The following PEX7 variants were observed in gnomAD, a reference collection of about 807,000 sequenced individuals.
PEX7 encodes PTS2 receptor.
Under a neutral mutation model 47.5 loss-of-function variants are expected in PEX7, and 34 were observed. That is an observed-to-expected ratio of 0.72 (90% CI 0.54 to 0.95). The LOEUF (loss-of-function observed/expected upper bound fraction) is 0.95. Among genes scored for constraint, PEX7 ranks in the 40% least tolerant of loss-of-function variants. The probability of loss-of-function intolerance (pLI) is 0.00; values close to 1 mark genes in which losing one functional copy is unlikely to be tolerated. For synonymous variants in PEX7, 141 were observed against 148.8 expected, an observed-to-expected ratio of 0.95 and a Z score of 0.38; for missense variants, 394 against 400.3, an observed-to-expected ratio of 0.98 and a Z score of 0.13.
intron 3 of PEX7, among the ~76,000 whole-genome samples, chr6:136,842,902 GAT>G (rs750229910): frequency 4.8e-4 from 73 of 152,288 alleles, no homozygotes; most frequent in Non-Finnish European, 8.2e-4. Context: ...GGCACGTCTT[GAT>G]GGATAAATGG....
chr6:136,868,837 A>T (rs1026847730), intron 6 of PEX7, among the ~76,000 whole-genome samples: 2 of 152,062 alleles, frequency 1.3e-5, no homozygotes, highest in Non-Finnish European at 2.9e-5. Context: ...CTCTGGGTTC[A>T]CTTGGGGCTC....
At chr6:136,829,886 G>A in intron 3 of PEX7, 2 of 640,404 alleles carry the variant, frequency 3.1e-6, no homozygotes, top group Non-Finnish European at 5.6e-6. Flanking sequence ...GCAGTGAGCT[G>A]AGTTCGTGCC....
At chr6:136,864,671 A>G (rs9494589) in intron 5 of PEX7, among the ~76,000 whole-genome samples, 3,049 of 152,336 alleles carry the variant, frequency 0.02, 106 homozygotes, top group African/African-American at 0.07. Flanking sequence ...ATAGGAAAAT[A>G]TATGTAGATA....
rs114680339 is a variant in PEX7, at chr6:136,841,774, G to T, written c.340-3841G>T. On this transcript the variant is annotated intron_variant, in intron 3 of 9. Coordinates refer to ENST00000318471, the MANE Select transcript of PEX7 (RefSeq NM_000288.4). ...AATTTTTAAAATTTTTTATAGAGAC[G>T]GGGGTCTCGCCATATTTTCCAGGCT... is the stretch of plus-strand genomic sequence containing the variant. Among the ~76,000 whole-genome samples, 4 of 151,888 alleles carry T rather than the reference G, an allele frequency of 2.6e-5. No individual in the cohort carries two copies. The South Asian group carries it at 6.2e-4, about 24-fold the overall frequency.
intron 8 of PEX7, 61 bp from the exon 9 acceptor site, chr6:136,898,081 T>C: frequency 1.0e-6 from 1 of 989,032 alleles, no homozygotes; most frequent in South Asian, 1.3e-5. Context: ...CTATTTTTTC[T>C]TAATATAAGT....
intron 3 of PEX7, among the ~76,000 whole-genome samples, chr6:136,843,522 G>A (rs1220538854): frequency 6.6e-6 from 1 of 152,130 alleles, no homozygotes; most frequent in African/African-American, 2.4e-5. Flanking sequence ...TAGTAGTTGT[G>A]ACAGTGACCA....
At chr6:136,873,322 T>G (rs1285468108) in intron 8 of PEX7, among the ~76,000 whole-genome samples, 1 of 152,220 alleles carries the variant, frequency 6.6e-6, no homozygotes, top group East Asian at 1.9e-4. Flanking sequence ...TTCAATGTTT[T>G]GTAAATAAAC....
intron 5 of PEX7, among the ~76,000 whole-genome samples, chr6:136,857,819 T>C (rs1372697443): frequency 1.3e-5 from 2 of 152,330 alleles, no homozygotes; most frequent in East Asian, 3.9e-4. Context: ...AAAAGCTCTG[T>C]GAGCATTACC....
intron 8 of PEX7, among the ~76,000 whole-genome samples, chr6:136,872,950 T>G (rs79047960): frequency 0.043 from 6,492 of 152,250 alleles, 156 homozygotes; most frequent in African/African-American, 0.076. Flanking sequence ...TTAGAGTTTT[T>G]TTTGTCTTTA....
chr6:136,822,599 C>T lies in PEX7; in HGVS notation c.-67C>T, dbSNP rs1774093370. On this transcript the variant is annotated 5_prime_UTR_variant, in exon 1 of 10. Coordinates refer to ENST00000318471, the MANE Select transcript of PEX7 (RefSeq NM_000288.4). The stretch of plus-strand genomic sequence containing the variant: ...GGTCTGCCTGGTCTCTCTAACCGCG[C>T]CAGTGTGCCTCCGACTCGGAACGGC... 3 of 1,417,680 alleles carry T rather than the reference C, an allele frequency of 2.1e-6. No homozygotes were observed. The highest frequency in any genetic ancestry group is 2.9e-5 in the African/African-American group (2 of 69,542). 87.8% of individuals were successfully genotyped at this position (1,417,680 alleles called of 1,614,324 possible).
intron 3 of PEX7, chr6:136,830,080 T>TAATA (rs1229412746): frequency 2.8e-6 from 2 of 711,200 alleles, no homozygotes; most frequent in South Asian, 3.0e-5. Flanking sequence ...AGAGAGTATA[T>TAATA]AATAAAGACG....
chr6:136,903,044 A>G (rs966659266), intron 9 of PEX7, among the ~76,000 whole-genome samples: 1 of 152,124 alleles, frequency 6.6e-6, no homozygotes, highest in Non-Finnish European at 1.5e-5. Flanking sequence ...CCATATTATT[A>G]TGTTTCTTTT....
At chr6:136,904,038 G>C (rs1775799103) in intron 9 of PEX7, among the ~76,000 whole-genome samples, 2 of 152,008 alleles carry the variant, frequency 1.3e-5, no homozygotes, top group South Asian at 4.1e-4. Flanking sequence ...TTCGATACCA[G>C]GTTTAATGGT....
Position 136,822,721 on chromosome 6 carries a change from G to T in PEX7, c.56G>T (p.Gly19Val). 1 of 1,514,556 alleles carries T rather than the reference G, an allele frequency of 6.6e-7. No homozygotes were observed. The highest frequency in any genetic ancestry group is 8.8e-7 in the Non-Finnish European group (1 of 1,138,208). The allele number at this position is 1,514,556 out of a possible 1,614,324, so 93.8% of individuals were successfully genotyped here. Residue 19 changes from glycine (G) to valine (V), a missense_variant, in exon 1 of 10, where the codon GGC becomes GTC. Coordinates refer to ENST00000318471, the MANE Select transcript of PEX7 (RefSeq NM_000288.4). ...ARMLRTPGRH[G>V]YAAEFSPYLP... ...ATGCTGCGGACGCCGGGACGCCACG[G>T]CTACGCCGCCGAGTTCTCCCCGTAC... is the stretch of plus-strand genomic sequence containing the variant.
At chr6:136,847,661 G>A (rs1774652416) in intron 5 of PEX7, among the ~76,000 whole-genome samples, 1 of 151,946 alleles carries the variant, frequency 6.6e-6, no homozygotes, top group Admixed American at 6.6e-5. Context: ...TTGTAGATAT[G>A]CGGCATTATT....
chr6:136,830,049 TG>T (rs765352527), intron 3 of PEX7: 8 of 716,012 alleles, frequency 1.1e-5, no homozygotes, highest in African/African-American at 3.5e-5. Context: ...GAGCAACTAA[TG>T]GGTCATTTTC....
rs202206202 is a variant in PEX7, at chr6:136,830,881, AT to A, written c.339+4415del. On this transcript the variant is annotated intron_variant, in intron 3 of 9. Transcript: ENST00000318471. ...TCAATTTGCTGAATTTTTATAACAT[AT>A]TTGATCCATTGAGGTTTTTGAGCAT... is the stretch of plus-strand genomic sequence containing the variant. Among the ~76,000 whole-genome samples, 1,395 of 150,042 alleles carry A rather than the reference AT, an allele frequency of 9.3e-3. 24 individuals are homozygous for A. Among genetic ancestry groups the A allele is most frequent in the African/African-American group, 0.032 (1,267 of 39,596 alleles).
At chr6:136,846,296 A>G in intron 5 of PEX7, 115 bp downstream of exon 5, 1 of 543,754 alleles carries the variant, frequency 1.8e-6, no homozygotes, top group Non-Finnish European at 3.3e-6. Flanking sequence ...GAATATTACT[A>G]TTCTTTTGTG....
intron 9 of PEX7, among the ~76,000 whole-genome samples, chr6:136,908,796 C>T (rs1385705623): frequency 2.0e-5 from 3 of 152,140 alleles, no homozygotes; most frequent in Non-Finnish European, 4.4e-5. Flanking sequence ...TGCCTTAAAA[C>T]TAAAACTTTC....
Sources: gnomAD v4.1 joint callset for allele counts (sites outside exome capture counted in the v4.1 genomes callset) on GRCh38, gnomAD v4.1.1 for gene constraint, MANE v1.5 for transcripts, NCBI Gene and HGNC (gene_info 2026-07-23, HGNC 2026-07-21) for gene names.